The following SETD5 variants were observed in gnomAD, a reference collection of about 807,000 sequenced individuals.
SETD5 encodes SET domain containing 5, also known as histone-lysine N-methyltransferase SETD5.
A neutral mutation model predicts 153.3 loss-of-function variants in SETD5; 44 were observed. That is an observed-to-expected ratio of 0.29 (90% CI 0.23 to 0.37). SETD5 has a LOEUF of 0.37. Among genes scored for constraint, SETD5 ranks in the 10% least tolerant of loss-of-function variants. The pLI, the probability that SETD5 is intolerant of heterozygous loss-of-function variation, is 1.00. For missense variants in SETD5, 1,544 were observed against 1,768.0 expected (o/e 0.87, Z 2.27); for synonymous variants, 716 against 645.2 (o/e 1.11, Z -1.66).
Position 9,457,491 on chromosome 3 carries a change from A to T in SETD5, c.2476+3623A>T, listed in dbSNP as rs542565122. ...AATAGAGTGAGACTCTGTCTCAAAA[A>T]ATATATATATATACTAATAATAATA... On this transcript the variant is annotated intron_variant, in intron 17 of 22. Coordinates refer to ENST00000402198, the MANE Select transcript of SETD5 (RefSeq NM_001080517.3). 2.2e-3 allele frequency among the ~76,000 whole-genome samples: 331 copies of T among 151,118 alleles called. 2 individuals carry two copies. Among genetic ancestry groups the T allele is most frequent in the South Asian group, 8.1e-3 (39 of 4,800 alleles).
At chr3:9,450,686 T>A (rs1356048099) in intron 16 of SETD5, among the ~76,000 whole-genome samples, 1 of 152,100 alleles carries the variant, frequency 6.6e-6, no homozygotes, top group Non-Finnish European at 1.5e-5. Flanking sequence ...TCCCTCAGAG[T>A]ATAAGTTAAT....
At chr3:9,474,698 C>A in intron 21 of SETD5, 116 bp downstream of exon 21, 1 of 1,410,444 alleles carries the variant, frequency 7.1e-7, no homozygotes, top group African/African-American at 1.4e-5. Context: ...TTGGGCTCCA[C>A]CGCATGCTAG....
intron 1 of SETD5, among the ~76,000 whole-genome samples, chr3:9,407,096 G>A (rs1205007566): frequency 6.6e-6 from 1 of 152,224 alleles, no homozygotes; most frequent in Admixed American, 6.5e-5. Context: ...GTGAGGCCAA[G>A]GCGGGTGGAT....
chr3:9,444,138 G>T (rs904022755), intron 11 of SETD5, among the ~76,000 whole-genome samples: 1 of 152,150 alleles, frequency 6.6e-6, no homozygotes, highest in African/African-American at 2.4e-5. Context: ...CTAGGGGTGA[G>T]ATTTAAAGAT....
At chr3:9,429,511 A>G (rs2039717131) in intron 3 of SETD5, among the ~76,000 whole-genome samples, 2 of 152,078 alleles carry the variant, frequency 1.3e-5, no homozygotes, top group South Asian at 4.1e-4. Flanking sequence ...TTTTTTTATA[A>G]TATTCGTTGC....
intron 17 of SETD5, among the ~76,000 whole-genome samples, chr3:9,458,472 C>T (rs1256925083): frequency 6.6e-6 from 1 of 152,020 alleles, no homozygotes; most frequent in African/African-American, 2.4e-5. Context: ...AAAAATTAGC[C>T]AGGCATGATG....
At chr3:9,430,906 A>G in intron 3 of SETD5, 1 of 985,466 alleles carries the variant, frequency 1.0e-6, no homozygotes. Flanking sequence ...CATGATCTCC[A>G]GACAGATTTG....
At position 9,440,650 on chromosome 3, in the gene SETD5, T is replaced by C; in HGVS notation, c.762T>C (p.Asn254=). Reference sequence around the variant, plus strand: ...AACCTACTATTTTAGACACTATTAATAAGACTGAATTGGCCTGTAATAACA... The same window carrying C: ...AACCTACTATTTTAGACACTATTAACAAGACTGAATTGGCCTGTAATAACA... ...VGKPTILDTI[N]KTELACNNTV... The change falls in exon 8 of 23, where the codon AAT becomes AAC. Residue 254 remains asparagine, a synonymous_variant. Coordinates refer to ENST00000402198, the MANE Select transcript of SETD5 (RefSeq NM_001080517.3). 6.2e-7 allele frequency: 1 copy of C among 1,613,822 alleles called. No homozygotes were observed. Among genetic ancestry groups the C allele is most frequent in the African/African-American group, 1.3e-5 (1 of 75,036 alleles).
chr3:9,429,823 A>T (rs936164746), intron 3 of SETD5: 2 of 1,302,378 alleles, frequency 1.5e-6, no homozygotes, highest in African/African-American at 1.5e-5. Context: ...TTCCTTGCTT[A>T]CAGAAAGGAA....
At chr3:9,422,883 T>G (rs2038614283) in intron 1 of SETD5, among the ~76,000 whole-genome samples, 1 of 152,192 alleles carries the variant, frequency 6.6e-6, no homozygotes, top group African/African-American at 2.4e-5. Context: ...TCTGGGAGAA[T>G]GGCCAAGGTC....
chr3:9,441,243 G>A (rs923606456), intron 8 of SETD5, among the ~76,000 whole-genome samples: 1 of 151,868 alleles, frequency 6.6e-6, no homozygotes, highest in Non-Finnish European at 1.5e-5. Context: ...GACTTAGTAT[G>A]GGAAATTCTA....
At chr3:9,402,789 A>G (rs564796324) in intron 1 of SETD5, among the ~76,000 whole-genome samples, 6 of 152,336 alleles carry the variant, frequency 3.9e-5, no homozygotes, top group Admixed American at 2.0e-4. Flanking sequence ...TGGGGAATCA[A>G]GTTTTTGATT....
At chr3:9,447,006 C>G in intron 13 of SETD5, 44 bp from the exon 14 acceptor site, 1 of 1,477,366 alleles carries the variant, frequency 6.8e-7, no homozygotes, top group South Asian at 1.3e-5. Flanking sequence ...ATCCACTCGT[C>G]CTCATTTGAA....
rs949914291 is a variant in SETD5, at chr3:9,476,597, A to T, written c.*506A>T. ...GTATGTAAATGTTCATCCTAAGACA[A>T]CCATTCCAAAAGCAGGTATCTGGCC... On this transcript the variant is annotated 3_prime_UTR_variant, in exon 23 of 23. Coordinates refer to ENST00000402198, the MANE Select transcript of SETD5 (RefSeq NM_001080517.3). The T allele has an allele frequency of 1.3e-5, 2 of 154,010 alleles. No homozygotes were observed. Among genetic ancestry groups the T allele is most frequent in the African/African-American group, 4.8e-5 (2 of 41,442 alleles). 9.5% of individuals were successfully genotyped at this position (154,010 alleles called of 1,614,324 possible). A position where few individuals can be genotyped will look rare whatever the true frequency, so the allele number is the denominator to read the frequency against.
intron 8 of SETD5, 35 bp downstream of exon 8, chr3:9,440,733 C>G: frequency 6.3e-7 from 1 of 1,593,322 alleles, no homozygotes. Flanking sequence ...CTCTAAGTAG[C>G]TGAAATTTTA....
At position 9,448,584 on chromosome 3, in the gene SETD5, G is replaced by T; in HGVS notation, c.2300G>T (p.Arg767Leu). 6.2e-7 allele frequency: 1 copy of T among 1,609,648 alleles called. No individual in the cohort carries two copies. Among genetic ancestry groups the T allele is most frequent in the South Asian group, 1.1e-5 (1 of 90,580 alleles). ...GGCTCACCCTTTATCCCTGAGAGAC[G>T]TCGAAGGCCCCTTCTGCCTGATGGC... Reference protein sequence around the residue: ...RFGSPFIPERRRRPLLPDGTF... With the variant: ...RFGSPFIPERLRRPLLPDGTF... The change falls in exon 16 of 23, where the codon CGT becomes CTT. Residue 767 changes from arginine (R) to leucine (L), a missense_variant. Physicochemically the swap from Arg to Leu is moderately radical, Grantham distance 102. Around this residue, in one of 9 missense-constraint regions of SETD5, gnomAD observed 782 missense variants for 787.2 expected, o/e 0.99. Coordinates refer to ENST00000402198, the MANE Select transcript of SETD5 (RefSeq NM_001080517.3).
At chr3:9,468,479 G>T (rs753413178) in intron 18 of SETD5, 20 of 1,299,722 alleles carry the variant, frequency 1.5e-5, no homozygotes, top group South Asian at 2.5e-5. Context: ...TCTTGACTTC[G>T]AGTAGATGAA....
chr3:9,409,019 A>T (rs2036150231), intron 1 of SETD5, among the ~76,000 whole-genome samples: 1 of 152,182 alleles, frequency 6.6e-6, no homozygotes, highest in South Asian at 2.1e-4. Context: ...CTGCTTTCTC[A>T]TAACTCCTTC....
At chr3:9,400,968 G>A (rs2034676268) in intron 1 of SETD5, among the ~76,000 whole-genome samples, 2 of 152,198 alleles carry the variant, frequency 1.3e-5, no homozygotes, top group African/African-American at 4.8e-5. Context: ...TCTTCCCCAA[G>A]ACTCGTGTAT....
Sources: gnomAD v4.1 joint callset for allele counts (sites outside exome capture counted in the v4.1 genomes callset) on GRCh38, gnomAD v4.1.1 for gene constraint, gnomAD v4.1.1 regional missense constraint, MANE v1.5 for transcripts, NCBI Gene and HGNC (gene_info 2026-07-23, HGNC 2026-07-21) for gene names.